Variants in XKR6 observed in about 807,000 individuals in gnomAD.
XKR6 encodes the protein XK-related protein 6.
In XKR6, 22 loss-of-function variants were observed where a neutral mutation model predicts 56.7. The ratio of observed to expected loss-of-function variants is 0.39; its 90% CI spans 0.28 to 0.55. The LOEUF (loss-of-function observed/expected upper bound fraction) is 0.55, where lower values mean the gene tolerates loss of function less well. XKR6 is among the 20% of genes least tolerant of loss of function. XKR6 has a pLI of 0.66. For missense variants in XKR6, 852 were observed against 889.0 expected (o/e 0.96, Z 0.53); for synonymous variants, 524 against 387.8 (o/e 1.35, Z -4.13).
At chr8:11,131,478 A>G (rs1385666491) in intron 1 of XKR6, among the ~76,000 whole-genome samples, 2 of 152,182 alleles carry the variant, frequency 1.3e-5, no homozygotes, top group Non-Finnish European at 2.9e-5. Flanking sequence ...CTTAAACTTC[A>G]TGATGTAAAT....
At chr8:11,194,465 A>T (rs1158021728) in intron 1 of XKR6, 1 of 152,276 alleles carries the variant, frequency 6.6e-6, no homozygotes, top group South Asian at 2.1e-4. Context: ...TATTTTCATA[A>T]ATTTTTTAAA....
chr8:11,169,825 A>G (rs1802274850), intron 1 of XKR6, among the ~76,000 whole-genome samples: 1 of 152,230 alleles, frequency 6.6e-6, no homozygotes, highest in South Asian at 2.1e-4. Context: ...GGTAAAAATG[A>G]TAAATTTTAC....
At chr8:10,917,423 T>C (rs540706124) in intron 2 of XKR6, among the ~76,000 whole-genome samples, 1 of 152,364 alleles carries the variant, frequency 6.6e-6, no homozygotes, top group Admixed American at 6.5e-5. Flanking sequence ...TTATGCAACA[T>C]GTCGAGGTCT....
At chr8:10,979,624 A>T (rs1022958199) in intron 1 of XKR6, among the ~76,000 whole-genome samples, 4 of 152,264 alleles carry the variant, frequency 2.6e-5, no homozygotes, top group Non-Finnish European at 4.4e-5. Flanking sequence ...GGTTGAGTGC[A>T]GCCTGGCTCC....
chr8:11,104,790 T>A (rs1307793961), intron 1 of XKR6: 1 of 152,244 alleles, frequency 6.6e-6, no homozygotes, highest in African/African-American at 2.4e-5. Context: ...GCCTTTTGGC[T>A]AAGATCAAGT....
At chr8:11,095,656 T>C (rs1798244306) in intron 1 of XKR6, among the ~76,000 whole-genome samples, 1 of 152,222 alleles carries the variant, frequency 6.6e-6, no homozygotes, top group South Asian at 2.1e-4. Context: ...AGCCAAAATA[T>C]ATATGTATAT....
At chr8:10,915,980 G>A (rs1417770590) in intron 2 of XKR6, among the ~76,000 whole-genome samples, 1 of 152,234 alleles carries the variant, frequency 6.6e-6, no homozygotes, top group African/African-American at 2.4e-5. Flanking sequence ...GCAATGCCAT[G>A]AGCGCCCGGA....
At chr8:10,956,970 A>G (rs1301074584) in intron 1 of XKR6, among the ~76,000 whole-genome samples, 1 of 151,648 alleles carries the variant, frequency 6.6e-6, no homozygotes. Context: ...CTTTTTTTTG[A>G]GATGGAGTCT....
intron 1 of XKR6, chr8:11,137,694 C>A (rs1472037278): frequency 2.2e-6 from 1 of 456,228 alleles, no homozygotes; most frequent in Middle Eastern, 3.3e-4. Flanking sequence ...GGAGAGTCTG[C>A]TGAAGAAGCT....
At chr8:10,962,384 C>T (rs897328213) in intron 1 of XKR6, among the ~76,000 whole-genome samples, 1 of 152,218 alleles carries the variant, frequency 6.6e-6, no homozygotes, top group South Asian at 2.1e-4. Context: ...AGTCAGGCTG[C>T]AGTGAACCCC....
At position 11,112,235 on chromosome 8, in the gene XKR6, T is replaced by G. The variant is rs1018161199; in HGVS notation, c.764+88341A>C. Among the ~76,000 whole-genome samples the G allele has an allele frequency of 1.1e-4, 17 of 152,368 alleles. No homozygotes were observed. In the South Asian group the frequency reaches 1.7e-3, roughly 15 times the overall value. On this transcript the variant is annotated intron_variant, in intron 1 of 2. Coordinates refer to ENST00000416569, the MANE Select transcript of XKR6 (RefSeq NM_173683.4). Reference sequence around the variant, plus strand: ...GTCATCATGGTGACAGACATTCAGATGCATAACTAAAATTATAGATTTTGT... The same window carrying G: ...GTCATCATGGTGACAGACATTCAGAGGCATAACTAAAATTATAGATTTTGT...
chr8:10,938,099 C>T lies in XKR6; in HGVS notation c.765-13269G>A, dbSNP rs571330952. On this transcript the variant is annotated intron_variant, in intron 1 of 2. Transcript: ENST00000416569. ...CCGAGCCAAGTGTGGGATATAGTCTCGTGATGCGCCGTTTTTTAAGCCGGT... is the reference window on the plus strand; with the variant it reads ...CCGAGCCAAGTGTGGGATATAGTCTTGTGATGCGCCGTTTTTTAAGCCGGT... 6.6e-5 allele frequency among the ~76,000 whole-genome samples: 10 copies of T among 152,294 alleles called. No individual in the cohort carries two copies. The East Asian group carries it at 1.9e-3, about 29-fold the overall frequency.
chr8:11,033,885 C>G (rs11996027), intron 1 of XKR6, among the ~76,000 whole-genome samples: 58,382 of 152,056 alleles, frequency 0.38, 14,929 homozygotes, highest in African/African-American at 0.73. Context: ...GCCACCCATA[C>G]AATCCAGCTC....
At chr8:10,983,760 A>G (rs932473788) in intron 1 of XKR6, among the ~76,000 whole-genome samples, 1 of 151,952 alleles carries the variant, frequency 6.6e-6, no homozygotes, top group Non-Finnish European at 1.5e-5. Context: ...GGTTCACACA[A>G]TTCTCCTGTG....
intron 1 of XKR6, among the ~76,000 whole-genome samples, chr8:11,182,529 C>T (rs1803044301): frequency 6.6e-6 from 1 of 152,200 alleles, no homozygotes; most frequent in Non-Finnish European, 1.5e-5. Flanking sequence ...TGATAAGAGG[C>T]ATATCTTGAA....
chr8:11,066,237 C>T (rs1205732376), intron 1 of XKR6, among the ~76,000 whole-genome samples: 3 of 152,240 alleles, frequency 2.0e-5, no homozygotes, highest in African/African-American at 7.2e-5. Flanking sequence ...CTCACCCCCT[C>T]TCTCCTGTCA....
chr8:11,041,547 CTT>C (rs1215088071), intron 1 of XKR6, among the ~76,000 whole-genome samples: 4 of 123,814 alleles, frequency 3.2e-5, no homozygotes, highest in South Asian at 4.5e-4. Context: ...CAGAGCAAGA[CTT>C]TGTCTCAAAA....
intron 1 of XKR6, among the ~76,000 whole-genome samples, chr8:11,076,408 G>A (rs1460685418): frequency 2.6e-5 from 4 of 152,182 alleles, no homozygotes; most frequent in Middle Eastern, 3.4e-3. Flanking sequence ...TTTTACGATC[G>A]TGACTTGAAT....
intron 2 of XKR6, among the ~76,000 whole-genome samples, chr8:10,913,315 C>T (rs1402421590): frequency 6.6e-6 from 1 of 152,012 alleles, no homozygotes. Flanking sequence ...TGGCCAGGGT[C>T]CCCAGCATCC....
Sources: gnomAD v4.1 joint callset for allele counts (sites outside exome capture counted in the v4.1 genomes callset) on GRCh38, gnomAD v4.1.1 for gene constraint, MANE v1.5 for transcripts, NCBI Gene and HGNC (gene_info 2026-07-23, HGNC 2026-07-21) for gene names.